PCDH15: variants seen among roughly 807,000 people sequenced by gnomAD.
PCDH15 encodes the protein protocadherin-15.
A neutral mutation model predicts 178.5 loss-of-function variants in PCDH15; 129 were observed. The ratio of observed to expected loss-of-function variants is 0.72; its 90% CI spans 0.63 to 0.84. PCDH15 has a LOEUF of 0.84. Ranked by LOEUF, PCDH15 falls within the 40% of genes least tolerant of loss-of-function variation. The pLI, the probability that PCDH15 is intolerant of heterozygous loss-of-function variation, is 0.00. For synonymous variants in PCDH15, 800 were observed against 732.0 expected (o/e 1.09, Z -1.50); for missense variants, 2,230 against 2,099.9 (o/e 1.06, Z -1.21).
At chr10:55,067,828 T>C (rs1841605955) in intron 2 of PCDH15, among the ~76,000 whole-genome samples, 1 of 152,070 alleles carries the variant, frequency 6.6e-6, no homozygotes, top group Non-Finnish European at 1.5e-5. Flanking sequence ...CATTTGCATT[T>C]CCCTGATGAT....
chr10:54,094,588 G>C (rs555383185), intron 15 of PCDH15, among the ~76,000 whole-genome samples: 1 of 152,194 alleles, frequency 6.6e-6, no homozygotes, highest in South Asian at 2.1e-4. Context: ...ATGTGGAAGA[G>C]GAGCTCCTCA....
intron 2 of PCDH15, among the ~76,000 whole-genome samples, chr10:54,531,449 C>T (rs2083916110): frequency 6.6e-6 from 1 of 152,086 alleles, no homozygotes; most frequent in East Asian, 1.9e-4. Flanking sequence ...CAAATAATGA[C>T]TGATCTCACA....
intron 15 of PCDH15, among the ~76,000 whole-genome samples, chr10:54,098,687 C>T (rs1248571003): frequency 1.3e-5 from 2 of 152,088 alleles, no homozygotes; most frequent in African/African-American, 4.8e-5. Context: ...TAGTATTTGG[C>T]CTGAGACAAA....
intron 2 of PCDH15, among the ~76,000 whole-genome samples, chr10:55,536,059 C>T (rs1469206211): frequency 1.3e-5 from 2 of 151,994 alleles, no homozygotes; most frequent in Non-Finnish European, 2.9e-5. Flanking sequence ...TGGTATATAG[C>T]ATCTATACTA....
At chr10:55,165,705 A>C (rs889217366) in intron 2 of PCDH15, among the ~76,000 whole-genome samples, 2 of 152,026 alleles carry the variant, frequency 1.3e-5, no homozygotes, top group Non-Finnish European at 2.9e-5. Context: ...TAAATTAAGC[A>C]AGTATGATAA....
At chr10:54,895,685 T>C (rs1954533085) in intron 3 of PCDH15, among the ~76,000 whole-genome samples, 1 of 152,290 alleles carries the variant, frequency 6.6e-6, no homozygotes, top group East Asian at 1.9e-4. Context: ...GATATTTTTA[T>C]TGCAATTTGT....
chr10:53,995,990 A>T (rs2091824612), intron 20 of PCDH15, among the ~76,000 whole-genome samples: 1 of 152,164 alleles, frequency 6.6e-6, no homozygotes. Flanking sequence ...TTCCACTGGA[A>T]TAAAGTCTTT....
chr10:54,052,262 C>A (rs552360231), intron 18 of PCDH15, among the ~76,000 whole-genome samples: 27 of 152,296 alleles, frequency 1.8e-4, no homozygotes, highest in African/African-American at 6.3e-4. Flanking sequence ...ACACCTTGTA[C>A]CATGTGCCTA....
chr10:55,117,496 G>C (rs748243496), intron 2 of PCDH15, among the ~76,000 whole-genome samples: 1 of 152,110 alleles, frequency 6.6e-6, no homozygotes, highest in Non-Finnish European at 1.5e-5. Flanking sequence ...TACTTCCTAG[G>C]CATCAAAGAA....
intron 1 of PCDH15, among the ~76,000 whole-genome samples, chr10:54,674,363 T>A (rs987602976): frequency 1.3e-5 from 2 of 152,146 alleles, no homozygotes; most frequent in African/African-American, 4.8e-5. Context: ...TGGTAGACTG[T>A]TCCATTTCAT....
At chr10:54,593,065 T>C (rs2091980970) in intron 2 of PCDH15, among the ~76,000 whole-genome samples, 1 of 152,110 alleles carries the variant, frequency 6.6e-6, no homozygotes. Context: ...GAACTCCTTA[T>C]ATATTTTGAA....
intron 1 of PCDH15, among the ~76,000 whole-genome samples, chr10:55,247,040 T>C (rs940457899): frequency 4.6e-5 from 7 of 152,148 alleles, no homozygotes; most frequent in Non-Finnish European, 1.0e-4. Flanking sequence ...CAAACATAGA[T>C]TCATACCTAC....
At chr10:54,639,022 A>G (rs956765006) in intron 2 of PCDH15, among the ~76,000 whole-genome samples, 1 of 152,110 alleles carries the variant, frequency 6.6e-6, no homozygotes, top group African/African-American at 2.4e-5. Context: ...GATATAATAA[A>G]CAATATCCTA....
intron 37 of PCDH15, chr10:53,809,689 A>G (rs2075797224): frequency 1.3e-6 from 1 of 791,220 alleles, no homozygotes; most frequent in Non-Finnish European, 2.0e-6. Flanking sequence ...ATAATCACAA[A>G]AATTTCTACT....
intron 2 of PCDH15, among the ~76,000 whole-genome samples, chr10:55,573,391 G>A (rs1213411641): frequency 6.6e-6 from 1 of 152,036 alleles, no homozygotes; most frequent in African/African-American, 2.4e-5. Context: ...TTAGATACCA[G>A]GATCTGTCTT....
chr10:53,908,026 T>A (rs184409830), intron 25 of PCDH15, among the ~76,000 whole-genome samples: 8 of 152,292 alleles, frequency 5.3e-5, no homozygotes, highest in Non-Finnish European at 7.4e-5. Context: ...ACATGACTAA[T>A]CTAGTGCCTA....
chr10:55,443,045 T>G (rs941135871), intron 2 of PCDH15, among the ~76,000 whole-genome samples: 3 of 152,162 alleles, frequency 2.0e-5, no homozygotes, highest in Non-Finnish European at 4.4e-5. Flanking sequence ...GGGGAAAGGA[T>G]TCCCTATTTC....
At chr10:55,357,101 A>G (rs1427394803) in intron 2 of PCDH15, among the ~76,000 whole-genome samples, 1 of 151,966 alleles carries the variant, frequency 6.6e-6, no homozygotes, top group Non-Finnish European at 1.5e-5. Flanking sequence ...AACAAGTACA[A>G]ATGTGTAAAA....
At chr10:54,302,355 GAC>G (rs1160813665) in intron 8 of PCDH15, among the ~76,000 whole-genome samples, 2 of 152,158 alleles carry the variant, frequency 1.3e-5, no homozygotes, top group African/African-American at 4.8e-5. Context: ...TTTTAGACTA[GAC>G]TGTAAGTTCC....
Sources: gnomAD v4.1 joint callset for allele counts (sites outside exome capture counted in the v4.1 genomes callset) on GRCh38, gnomAD v4.1.1 for gene constraint, MANE v1.5 for transcripts, NCBI Gene and HGNC (gene_info 2026-07-23, HGNC 2026-07-21) for gene names.